The following NEDD1 variants were observed in gnomAD, a reference collection of about 807,000 sequenced individuals.
NEDD1 encodes protein NEDD1.
NEDD1 carries 33 observed loss-of-function variants against 74.0 expected under a neutral mutation model. The ratio of observed to expected loss-of-function variants is 0.45; its 90% CI spans 0.34 to 0.60. NEDD1 has a LOEUF of 0.60. Among genes scored for constraint, NEDD1 ranks in the 20% least tolerant of loss-of-function variants. The pLI, the probability that NEDD1 is intolerant of heterozygous loss-of-function variation, is 0.01. For missense variants in NEDD1, 746 were observed against 776.5 expected, an observed-to-expected ratio of 0.96 and a Z score of 0.47; for synonymous variants, 250 against 264.4, an observed-to-expected ratio of 0.95 and a Z score of 0.53.
At chr12:96,916,970 TG>T (rs1454059731) in intron 4 of NEDD1, among the ~76,000 whole-genome samples, 1 of 152,146 alleles carries the variant, frequency 6.6e-6, no homozygotes, top group Non-Finnish European at 1.5e-5. Flanking sequence ...GAGAGCTTAC[TG>T]ATAGATTGGA....
intron 6 of NEDD1, among the ~76,000 whole-genome samples, chr12:96,928,926 G>A (rs61938394): frequency 0.3 from 45,115 of 151,722 alleles, 7,706 homozygotes; most frequent in East Asian, 0.42. Context: ...TCCTGACCTC[G>A]TGATCTGCCC....
intron 14 of NEDD1, among the ~76,000 whole-genome samples, chr12:96,948,105 G>A (rs188317655): frequency 3.3e-5 from 5 of 152,218 alleles, no homozygotes; most frequent in Admixed American, 1.3e-4. Context: ...CCATCCTCCC[G>A]TGGCTGCCAT....
chr12:96,924,854 T>C (rs1875523300), intron 6 of NEDD1: 1 of 454,042 alleles, frequency 2.2e-6, no homozygotes, highest in Admixed American at 2.4e-5. Context: ...CAGTGTTGAA[T>C]AGAAGTGATG....
At chr12:96,950,110 C>T (rs1440506633) in intron 14 of NEDD1, among the ~76,000 whole-genome samples, 1 of 151,672 alleles carries the variant, frequency 6.6e-6, no homozygotes, top group Non-Finnish European at 1.5e-5. Flanking sequence ...GTAAAGAATG[C>T]TTATAAATGA....
At chr12:96,950,405 A>G (rs892504625) in intron 14 of NEDD1, among the ~76,000 whole-genome samples, 3 of 152,006 alleles carry the variant, frequency 2.0e-5, no homozygotes, top group African/African-American at 4.8e-5. Context: ...TATATCATCA[A>G]TGGACATTGG....
chr12:96,950,309 G>A (rs538890427), intron 14 of NEDD1, among the ~76,000 whole-genome samples: 8 of 152,086 alleles, frequency 5.3e-5, no homozygotes, highest in Admixed American at 3.3e-4. Context: ...GAAGAACTCT[G>A]TTATACTGGT....
chr12:96,907,366 C>G (rs968252788), intron 1 of NEDD1, 66 bp downstream of exon 1: 8 of 435,406 alleles, frequency 1.8e-5, no homozygotes, highest in African/African-American at 1.7e-4. Flanking sequence ...CCTCCCGATC[C>G]TAAGACCCGC....
At chr12:96,910,948 A>G (rs565174857) in intron 3 of NEDD1, among the ~76,000 whole-genome samples, 1 of 152,318 alleles carries the variant, frequency 6.6e-6, no homozygotes, top group East Asian at 1.9e-4. Context: ...AAAAATATTA[A>G]AAGTTTTATA....
intron 14 of NEDD1, among the ~76,000 whole-genome samples, chr12:96,948,418 C>T (rs11108742): frequency 0.051 from 7,801 of 152,182 alleles, 263 homozygotes; most frequent in South Asian, 0.092. Flanking sequence ...CTGTCAAGGG[C>T]ATGAAGATGG....
At chr12:96,930,203 ACACACACACTCTCTCT>A (rs1232291874) in intron 6 of NEDD1, among the ~76,000 whole-genome samples, 5 of 67,232 alleles carry the variant, frequency 7.4e-5, no homozygotes, top group African/African-American at 2.8e-4. Flanking sequence ...ACACACACAC[ACACACACACTCTCTCT>A]CTCTCTCTCT....
rs772224446 is a variant in NEDD1 at position 96,951,969 on chromosome 12, G to A, written c.1899G>A (p.Leu633=). ...HMQLNEMHSL[L]ERYSVNEGLV... is the part of the protein sequence containing the mutation. ...TCTAGAATGAAATGCATTCTTTGCT[G>A]GAAAGATACTCAGTGAATGAAGGTT... The change falls in exon 16 of 16, where the codon CTG becomes CTA. Residue 633 remains leucine, a synonymous_variant. Coordinates refer to ENST00000266742, the MANE Select transcript of NEDD1 (RefSeq NM_152905.4). 2 of 1,586,780 alleles carry A rather than the reference G, an allele frequency of 1.3e-6. No homozygotes were observed. Among genetic ancestry groups the A allele is most frequent in the Non-Finnish European group, 1.7e-6 (2 of 1,156,934 alleles).
At chr12:96,945,248 A>T (rs547385167) in intron 13 of NEDD1, among the ~76,000 whole-genome samples, 21 of 152,250 alleles carry the variant, frequency 1.4e-4, no homozygotes, top group Admixed American at 6.5e-4. Context: ...CAACTCTCAT[A>T]TAAATATCTA....
At chr12:96,950,976 C>T (rs1265903448) in intron 14 of NEDD1, among the ~76,000 whole-genome samples, 2 of 151,764 alleles carry the variant, frequency 1.3e-5, no homozygotes, top group Non-Finnish European at 3.0e-5. Flanking sequence ...AATAGCTAAA[C>T]TGATAATAAT....
intron 1 of NEDD1, 40 bp from the exon 2 acceptor site, chr12:96,907,564 T>C (rs1460676809): frequency 6.5e-7 from 1 of 1,540,994 alleles, no homozygotes; most frequent in Non-Finnish European, 8.8e-7. Flanking sequence ...CACAAGTCTG[T>C]CTCCTTTTTT....
intron 11 of NEDD1, 83 bp from the exon 12 acceptor site, chr12:96,943,477 A>G (rs1207501981): frequency 2.3e-6 from 2 of 859,254 alleles, no homozygotes; most frequent in East Asian, 2.4e-5. Flanking sequence ...TTCCATGTTA[A>G]TCTGCCTATC....
rs79049646 is a variant in NEDD1, at chr12:96,943,818, G to C, written c.1497+56G>C. On this transcript the variant is annotated intron_variant, in intron 12 of 15. Coordinates refer to ENST00000266742, the MANE Select transcript of NEDD1 (RefSeq NM_152905.4). ...TGTATGTGTTTATCAGTAGAAAGTG[G>C]GTGGCTGCCAGTGCATGTATCCTAA... 8.7e-3 allele frequency: 10,320 copies of C among 1,182,032 alleles called. 538 individuals carry two copies. In the East Asian group the frequency reaches 0.099, roughly 11 times the overall value. 73.2% of individuals were successfully genotyped at this position (1,182,032 alleles called of 1,614,324 possible).
At chr12:96,929,626 T>A (rs200471521) in intron 6 of NEDD1, among the ~76,000 whole-genome samples, 5,417 of 143,488 alleles carry the variant, frequency 0.038, 200 homozygotes, top group Non-Finnish European at 0.06. Flanking sequence ...TATATATATT[T>A]TTTTTTTAAT....
At chr12:96,909,110 A>C (rs1873628594) in intron 2 of NEDD1, among the ~76,000 whole-genome samples, 1 of 146,566 alleles carries the variant, frequency 6.8e-6, no homozygotes, top group African/African-American at 2.5e-5. Context: ...TGGAAGGCGG[A>C]GGTTGTGGTG....
At chr12:96,937,516 G>A in intron 9 of NEDD1, 123 bp downstream of exon 9, 2 of 464,242 alleles carry the variant, frequency 4.3e-6, no homozygotes, top group South Asian at 5.7e-5. Context: ...TGAGTACTTA[G>A]GTAAAATTAG....
Sources: allele counts gnomAD v4.1 joint callset (sites outside exome capture counted in the v4.1 genomes callset), GRCh38; gene constraint gnomAD v4.1.1; transcripts MANE v1.5; gene names NCBI Gene and HGNC (gene_info 2026-07-23, HGNC 2026-07-21).